GUCY2C: variants seen among roughly 807,000 people sequenced by gnomAD.
GUCY2C encodes guanylate cyclase 2C.
GUCY2C carries 118 observed loss-of-function variants against 131.1 expected under a neutral mutation model. The observed-to-expected ratio is 0.90, with a 90% CI of 0.78 to 1.05. The LOEUF (loss-of-function observed/expected upper bound fraction) is 1.05, where lower values mean the gene tolerates loss of function less well. Ranked by LOEUF, GUCY2C falls within the 50% of genes least tolerant of loss-of-function variation. The probability of loss-of-function intolerance (pLI) is 0.00; values close to 1 mark genes in which losing one functional copy is unlikely to be tolerated. For synonymous variants in GUCY2C, 452 were observed against 457.8 expected, an observed-to-expected ratio of 0.99 and a Z score of 0.16; for missense variants, 1,161 against 1,304.4, an observed-to-expected ratio of 0.89 and a Z score of 1.69.
At chr12:14,619,941 A>C (rs1946858366) in intron 23 of GUCY2C, among the ~76,000 whole-genome samples, 1 of 152,244 alleles carries the variant, frequency 6.6e-6, no homozygotes, top group Non-Finnish European at 1.5e-5. Context: ...TTATTCAGTC[A>C]TGTATTTGCA....
chr12:14,682,894 T>G, intron 4 of GUCY2C, 148 bp downstream of exon 4: 1 of 608,854 alleles, frequency 1.6e-6, no homozygotes, highest in Non-Finnish European at 2.9e-6. Flanking sequence ...TCCCCTTTGC[T>G]TTTATTTATG....
At chr12:14,621,362 G>T in intron 22 of GUCY2C, 146 bp from the exon 23 acceptor site, 2 of 672,010 alleles carry the variant, frequency 3.0e-6, no homozygotes, top group South Asian at 3.8e-5. Flanking sequence ...GGGGCCAGTT[G>T]GATCAGTTCT....
chr12:14,637,603 G>A (rs1250909306), intron 19 of GUCY2C, among the ~76,000 whole-genome samples: 2 of 152,028 alleles, frequency 1.3e-5, no homozygotes, highest in Non-Finnish European at 2.9e-5. Flanking sequence ...TAAACAAATG[G>A]AACAGAATAG....
chr12:14,639,961 G>A lies in GUCY2C; in HGVS notation c.2069-11C>T, dbSNP rs374742795. The A allele has an allele frequency of 3.9e-5, 59 of 1,519,022 alleles. No individual in the cohort carries two copies. The South Asian group carries it at 5.9e-4, about 15-fold the overall frequency. The allele number at this position is 1,519,022 out of a possible 1,614,324, so 94.1% of individuals were successfully genotyped here. A position where few individuals can be genotyped will look rare whatever the true frequency, so the allele number is the denominator to read the frequency against. ...CTCTGAAAATCTTCTCTGGTTGGGT[G>A]AGAAAAATATAAATTACAAAGAAGA... On this transcript the variant is annotated splice_polypyrimidine_tract_variant and intron_variant, in intron 18 of 26. Transcript: ENST00000261170.
At chr12:14,660,750 C>T (rs1006675760) in intron 11 of GUCY2C, among the ~76,000 whole-genome samples, 1 of 152,184 alleles carries the variant, frequency 6.6e-6, no homozygotes, top group African/African-American at 2.4e-5. Flanking sequence ...ACTAGTAACT[C>T]AAAGAACTGG....
chr12:14,647,523 C>T (rs1947546576), intron 15 of GUCY2C, among the ~76,000 whole-genome samples: 1 of 152,080 alleles, frequency 6.6e-6, no homozygotes, highest in Admixed American at 6.6e-5. Context: ...TGAAATATTT[C>T]CACCCTGAAT....
chr12:14,656,296 T>C (rs998058371), intron 12 of GUCY2C, among the ~76,000 whole-genome samples: 1 of 152,236 alleles, frequency 6.6e-6, no homozygotes, highest in Admixed American at 6.5e-5. Flanking sequence ...ACACACCATA[T>C]CTCAGCCTCC....
At chr12:14,691,856 T>C (rs973738297) in intron 1 of GUCY2C, among the ~76,000 whole-genome samples, 11 of 152,226 alleles carry the variant, frequency 7.2e-5, no homozygotes, top group Non-Finnish European at 1.5e-4. Context: ...TTGATCTCTT[T>C]CACTATATGC....
In GUCY2C at chr12:14,688,083, G is replaced by A; in HGVS notation, c.218-20C>T. 7.1e-7 allele frequency: 1 copy of A among 1,416,210 alleles called. No individual in the cohort carries two copies. Among genetic ancestry groups the A allele is most frequent in the Non-Finnish European group, 1.0e-6 (1 of 999,808 alleles). 87.7% of individuals were successfully genotyped at this position (1,416,210 alleles called of 1,614,324 possible). A position where few individuals can be genotyped will look rare whatever the true frequency, so the allele number is the denominator to read the frequency against. On this transcript the variant is annotated intron_variant, in intron 1 of 26. Coordinates refer to ENST00000261170, the MANE Select transcript of GUCY2C (RefSeq NM_004963.4). ...TTAGGCCTGTCGCCCAGAGATGAGG[G>A]AAAATAGAACACTAGTGTTATTTTT... is the stretch of plus-strand genomic sequence containing the variant.
chr12:14,649,637 T>C (rs1947600188), intron 15 of GUCY2C, among the ~76,000 whole-genome samples: 1 of 152,176 alleles, frequency 6.6e-6, no homozygotes, highest in Non-Finnish European at 1.5e-5. Context: ...AATCAAAAGG[T>C]CATAGGAGAA....
Position 14,613,389 on chromosome 12 carries a change from T to C in GUCY2C, c.3048-98A>G. Reference sequence around the variant, plus strand: ...ATCAGTTCAGTTAGTCAGTTACTCTTTGAATGCCTATTCTGTGCTAGACAC... The same window carrying C: ...ATCAGTTCAGTTAGTCAGTTACTCTCTGAATGCCTATTCTGTGCTAGACAC... On this transcript the variant is annotated intron_variant, in intron 26 of 26. Transcript: ENST00000261170. The surrounding 1 kb of genome is among the most constrained non-coding windows in gnomAD (Gnocchi z 4.9). 3 of 871,674 alleles carry C rather than the reference T, an allele frequency of 3.4e-6. No homozygotes were observed. In the South Asian group the frequency reaches 4.3e-5, roughly 12 times the overall value. The allele number at this position is 871,674 out of a possible 1,614,324, so 54.0% of individuals were successfully genotyped here.
chr12:14,625,613 G>A (rs1286791911), intron 21 of GUCY2C, 144 bp downstream of exon 21: 31 of 765,314 alleles, frequency 4.1e-5, no homozygotes, highest in Middle Eastern at 5.5e-4. Flanking sequence ...GATTACAGGC[G>A]TGAGCCTCCG....
intron 20 of GUCY2C, among the ~76,000 whole-genome samples, chr12:14,627,240 A>G (rs1420015710): frequency 6.6e-6 from 1 of 152,220 alleles, no homozygotes; most frequent in Non-Finnish European, 1.5e-5. Context: ...TGGTCTCAGG[A>G]GAAGATGGCC....
intron 15 of GUCY2C, among the ~76,000 whole-genome samples, chr12:14,647,440 G>A (rs964289326): frequency 9.2e-5 from 14 of 152,156 alleles, no homozygotes; most frequent in African/African-American, 2.4e-4. Flanking sequence ...TGAATTTGTC[G>A]GTATAGGGTG....
At position 14,617,424 on chromosome 12, in the gene GUCY2C, C is replaced by T. The variant is rs11056062; in HGVS notation, c.2876-697G>A. Among the ~76,000 whole-genome samples the T allele has an allele frequency of 4.6e-3, 694 of 152,152 alleles. 7 individuals are homozygous for T. Among genetic ancestry groups the T allele is most frequent in the African/African-American group, 0.016 (646 of 41,510 alleles). On this transcript the variant is annotated intron_variant, in intron 24 of 26. Transcript: ENST00000261170. Reference sequence around the variant, plus strand: ...CATTCCAGCTCAGAGTAGTAGCCTGCGGGACCTAGTTTTAGATTTGGCTTG... The same window carrying T: ...CATTCCAGCTCAGAGTAGTAGCCTGTGGGACCTAGTTTTAGATTTGGCTTG...
intron 10 of GUCY2C, among the ~76,000 whole-genome samples, chr12:14,668,779 G>T (rs922050483): frequency 6.6e-6 from 1 of 152,082 alleles, no homozygotes; most frequent in African/African-American, 2.4e-5. Context: ...CTGAGGCCTC[G>T]TTGCCCAGGA....
chr12:14,629,501 T>C (rs1287154050), intron 19 of GUCY2C, among the ~76,000 whole-genome samples: 1 of 152,206 alleles, frequency 6.6e-6, no homozygotes, highest in Admixed American at 6.5e-5. Context: ...TACTTACATG[T>C]AGACATATAG....
intron 19 of GUCY2C, among the ~76,000 whole-genome samples, chr12:14,629,212 C>T (rs534408305): frequency 2.5e-4 from 38 of 151,998 alleles, no homozygotes; most frequent in Middle Eastern, 3.4e-3. Context: ...GACAAAATAA[C>T]GAAGGAATTC....
chr12:14,676,315 G>A (rs141757480), intron 7 of GUCY2C, among the ~76,000 whole-genome samples: 2,419 of 152,228 alleles, frequency 0.016, 30 homozygotes, highest in Non-Finnish European at 0.025. Context: ...AAACCAGATG[G>A]CATAATGGAA....
Sources: allele counts gnomAD v4.1 joint callset (sites outside exome capture counted in the v4.1 genomes callset), GRCh38; gene constraint gnomAD v4.1.1; non-coding constraint Gnocchi (gnomAD v3.1); transcripts MANE v1.5; gene names NCBI Gene and HGNC (gene_info 2026-07-23, HGNC 2026-07-21).